Variants in SHANK2 observed in about 807,000 individuals in gnomAD.
SHANK2 encodes the protein SH3 and multiple ankyrin repeat domains protein 2.
In SHANK2, 43 loss-of-function variants were observed where a neutral mutation model predicts 133.7. That is an observed-to-expected ratio of 0.32 (90% CI 0.25 to 0.41). The LOEUF is 0.41. SHANK2 is among the 10% of genes least tolerant of loss of function. The pLI is 1.00. For missense variants in SHANK2, 1,994 were observed against 2,235.8 expected (o/e 0.89, Z 2.18); for synonymous variants, 1,017 against 952.8 (o/e 1.07, Z -1.24).
chr11:71,115,835 G>A (rs888929088), intron 4 of SHANK2, among the ~76,000 whole-genome samples: 2 of 152,104 alleles, frequency 1.3e-5, no homozygotes, highest in Non-Finnish European at 2.9e-5. Flanking sequence ...ACTCTTCCTG[G>A]TCCATCACCT....
chr11:70,661,982 G>A, intron 15 of SHANK2: 1 of 632,766 alleles, frequency 1.6e-6, no homozygotes, highest in South Asian at 1.8e-5. Flanking sequence ...CTGAGCTGGA[G>A]GCTCAAGGGG....
intron 2 of SHANK2, among the ~76,000 whole-genome samples, chr11:71,172,624 AAAAG>A (rs1802539025): frequency 1.3e-5 from 2 of 151,846 alleles, no homozygotes; most frequent in Non-Finnish European, 2.9e-5. Context: ...AAAAAAAGAA[AAAAG>A]AAAAGAAAAG....
chr11:70,656,818 G>C (rs985592781), intron 17 of SHANK2, among the ~76,000 whole-genome samples: 1 of 152,184 alleles, frequency 6.6e-6, no homozygotes, highest in Non-Finnish European at 1.5e-5. Flanking sequence ...GTAGGGTCAG[G>C]GGGTGGTCAA....
intron 14 of SHANK2, among the ~76,000 whole-genome samples, chr11:70,725,147 G>A (rs186043952): frequency 6.6e-5 from 10 of 152,276 alleles, no homozygotes; most frequent in Admixed American, 3.9e-4. Flanking sequence ...TATCTTTAGC[G>A]TAAATAACAT....
chr11:70,601,063 CTATATT>C (rs1446303964), intron 17 of SHANK2, among the ~76,000 whole-genome samples: 1,937 of 137,522 alleles, frequency 0.014, 24 homozygotes, highest in East Asian at 0.067. Flanking sequence ...ATATCTATAT[CTATATT>C]TGAGATGGAG....
At chr11:71,128,589 TTCTC>T (rs1477535062) in intron 3 of SHANK2, among the ~76,000 whole-genome samples, 5 of 152,066 alleles carry the variant, frequency 3.3e-5, no homozygotes, top group African/African-American at 1.2e-4. Context: ...CCAGCCTCAG[TTCTC>T]TCTAAGTTCC....
intron 10 of SHANK2, among the ~76,000 whole-genome samples, chr11:70,906,014 T>G (rs1950098980): frequency 6.6e-6 from 1 of 152,156 alleles, no homozygotes; most frequent in Non-Finnish European, 1.5e-5. Flanking sequence ...GGTTTCACCA[T>G]GCTGGCCAGG....
intron 17 of SHANK2, among the ~76,000 whole-genome samples, chr11:70,508,051 C>T (rs1489044418): frequency 2.0e-5 from 3 of 152,222 alleles, no homozygotes; most frequent in Non-Finnish European, 4.4e-5. Context: ...CAGGCCGTGA[C>T]AGTGTGCCAC....
chr11:70,809,954 G>A (rs916929555), intron 12 of SHANK2, among the ~76,000 whole-genome samples: 2 of 152,212 alleles, frequency 1.3e-5, no homozygotes, highest in African/African-American at 2.4e-5. Context: ...AGCTGTCACT[G>A]CCATGCAGCC....
chr11:71,231,923 A>G (rs946371343), intron 1 of SHANK2, among the ~76,000 whole-genome samples: 2 of 152,156 alleles, frequency 1.3e-5, no homozygotes, highest in African/African-American at 4.8e-5. Flanking sequence ...CCTATACACT[A>G]ATGTTTATAG....
At chr11:71,152,452 C>T (rs1253038938) in intron 2 of SHANK2, among the ~76,000 whole-genome samples, 1 of 152,174 alleles carries the variant, frequency 6.6e-6, no homozygotes, top group African/African-American at 2.4e-5. Flanking sequence ...TTGCAGGCCA[C>T]ATAGTACACA....
chr11:70,708,756 C>T (rs1023469660), intron 14 of SHANK2, among the ~76,000 whole-genome samples: 1 of 152,190 alleles, frequency 6.6e-6, no homozygotes, highest in Admixed American at 6.5e-5. Flanking sequence ...CTTTTTCATT[C>T]TTTTCCCCAA....
At chr11:70,879,111 A>C (rs1396191356) in intron 11 of SHANK2, among the ~76,000 whole-genome samples, 2 of 152,224 alleles carry the variant, frequency 1.3e-5, no homozygotes, top group Non-Finnish European at 2.9e-5. Context: ...TGATGCCTCC[A>C]TCTGGCACCT....
At chr11:70,662,306 G>T (rs1440321441) in intron 15 of SHANK2, 1 of 168,058 alleles carries the variant, frequency 6.0e-6, no homozygotes, top group Non-Finnish European at 1.3e-5. Context: ...TCCCGGCGCC[G>T]GCGGTGTGCG....
chr11:70,728,431 A>G (rs1946218034), intron 14 of SHANK2, among the ~76,000 whole-genome samples: 2 of 152,242 alleles, frequency 1.3e-5, no homozygotes, highest in Admixed American at 1.3e-4. Context: ...AACTCAAGAC[A>G]GCCTGGCAGC....
At chr11:70,898,282 G>GCACGCACA (rs1555076085) in intron 10 of SHANK2, among the ~76,000 whole-genome samples, 1 of 135,422 alleles carries the variant, frequency 7.4e-6, no homozygotes, top group Non-Finnish European at 1.5e-5. Context: ...ATACACACAC[G>GCACGCACA]CACACACACA....
intron 10 of SHANK2, among the ~76,000 whole-genome samples, chr11:70,942,438 TCTCA>T (rs1950660950): frequency 6.6e-6 from 1 of 151,920 alleles, no homozygotes; most frequent in African/African-American, 2.4e-5. Flanking sequence ...GAGAGTGAAA[TCTCA>T]CTCACTACTA....
chr11:70,848,032 C>T lies in SHANK2; in HGVS notation c.1175-27350G>A, dbSNP rs147623915. Among the ~76,000 whole-genome samples, 1,068 of 152,292 alleles carry T rather than the reference C, an allele frequency of 7.0e-3. 13 individuals carry two copies. Among genetic ancestry groups the T allele is most frequent in the African/African-American group, 0.023 (965 of 41,554 alleles). ...TTGCTAGAAGGCATGGCAATGCCTG[C>T]GGTAGGAAGGGCGGCCCCACACCTA... On this transcript the variant is annotated intron_variant, in intron 11 of 25. Coordinates refer to ENST00000601538, the MANE Select transcript of SHANK2 (RefSeq NM_012309.5).
intron 17 of SHANK2, chr11:70,634,897 T>C (rs1268009113): frequency 6.6e-6 from 1 of 152,216 alleles, no homozygotes; most frequent in African/African-American, 2.4e-5. Flanking sequence ...AGGACTTGAA[T>C]AGACATTTCT....
Sources: gnomAD v4.1 joint callset for allele counts (sites outside exome capture counted in the v4.1 genomes callset) on GRCh38, gnomAD v4.1.1 for gene constraint, MANE v1.5 for transcripts, NCBI Gene and HGNC (gene_info 2026-07-23, HGNC 2026-07-21) for gene names.